Variants in CDH20 observed in about 807,000 individuals in gnomAD.
CDH20 encodes the protein cadherin 20, also known as cadherin-20.
Under a neutral mutation model 74.2 loss-of-function variants are expected in CDH20, and 29 were observed. The ratio of observed to expected loss-of-function variants is 0.39; its 90% CI spans 0.29 to 0.53. The LOEUF (loss-of-function observed/expected upper bound fraction) is 0.53. Ranked by LOEUF, CDH20 falls within the 20% of genes least tolerant of loss-of-function variation. The probability of loss-of-function intolerance (pLI) is 0.69; values close to 1 mark genes in which losing one functional copy is unlikely to be tolerated. For missense variants in CDH20, 988 were observed against 1,048.3 expected (o/e 0.94, Z 0.79); for synonymous variants, 469 against 405.4 (o/e 1.16, Z -1.88).
intron 1 of CDH20, among the ~76,000 whole-genome samples, chr18:61,434,749 T>C (rs898256561): frequency 8.5e-5 from 13 of 152,164 alleles, no homozygotes; most frequent in African/African-American, 2.9e-4. Flanking sequence ...CTACAGCTTA[T>C]TAATTATTGA....
rs1221710550 is a variant in CDH20 at position 61,513,060 on chromosome 18, A to T, written c.1017+5500A>T. Reference sequence around the variant, plus strand: ...TGAGTTCAATTCCTGGGTATCCTTGATGACTTTCTGTCTCGTTGATCTGTC... The same window carrying T: ...TGAGTTCAATTCCTGGGTATCCTTGTTGACTTTCTGTCTCGTTGATCTGTC... On this transcript the variant is annotated intron_variant, in intron 6 of 11. Coordinates refer to ENST00000262717, the MANE Select transcript of CDH20 (RefSeq NM_031891.4). Among the ~76,000 whole-genome samples, 7 of 151,818 alleles carry T rather than the reference A, an allele frequency of 4.6e-5. 1 individual carries two copies. The highest frequency in any genetic ancestry group is 3.4e-3 in the Middle Eastern group (1 of 292).
chr18:61,495,084 T>C (rs970841862), intron 2 of CDH20, among the ~76,000 whole-genome samples: 1 of 152,180 alleles, frequency 6.6e-6, no homozygotes, highest in Non-Finnish European at 1.5e-5. Flanking sequence ...GCCTAAAATA[T>C]TTTTTTAGGA....
intron 1 of CDH20, among the ~76,000 whole-genome samples, chr18:61,340,343 G>A (rs1464481465): frequency 1.3e-5 from 2 of 151,298 alleles, no homozygotes; most frequent in African/African-American, 4.9e-5. Flanking sequence ...TCAAAAGAAA[G>A]CCAGGATAGA....
At chr18:61,386,040 A>G (rs1399871690) in intron 1 of CDH20, among the ~76,000 whole-genome samples, 1 of 152,202 alleles carries the variant, frequency 6.6e-6, no homozygotes, top group African/African-American at 2.4e-5. Context: ...AAAATAAGGT[A>G]TGCTTTATAC....
At chr18:61,470,627 G>A (rs1248986151) in intron 1 of CDH20, among the ~76,000 whole-genome samples, 1 of 152,072 alleles carries the variant, frequency 6.6e-6, no homozygotes, top group Non-Finnish European at 1.5e-5. Flanking sequence ...GAGAATGAAA[G>A]ATTATCAAGT....
chr18:61,384,147 G>C (rs926760515), intron 1 of CDH20, among the ~76,000 whole-genome samples: 3 of 152,192 alleles, frequency 2.0e-5, no homozygotes, highest in Non-Finnish European at 2.9e-5. Context: ...TGAATAGACT[G>C]TCTCAGGCTA....
Position 61,554,254 on chromosome 18 carries a change from G to A in CDH20, c.1965G>A (p.Glu655=). The change falls in exon 12 of 12, where the codon GAG becomes GAA. Residue 655 remains glutamate, a synonymous_variant. Coordinates refer to ENST00000262717, the MANE Select transcript of CDH20 (RefSeq NM_031891.4). ...HRKQPYIIDD[E]ENIHENIVRY... ...AACAACCATACATCATCGACGACGA[G>A]GAAAACATCCACGAGAACATCGTCC... is the stretch of plus-strand genomic sequence containing the variant. 1.2e-6 allele frequency: 2 copies of A among 1,614,044 alleles called. No homozygotes were observed. Among genetic ancestry groups the A allele is most frequent in the Non-Finnish European group, 1.7e-6 (2 of 1,180,010 alleles).
chr18:61,462,316 C>T (rs1262471753), intron 1 of CDH20, among the ~76,000 whole-genome samples: 1 of 152,106 alleles, frequency 6.6e-6, no homozygotes, highest in African/African-American at 2.4e-5. Context: ...TATAATTTGT[C>T]AGTTAAAAAT....
intron 1 of CDH20, among the ~76,000 whole-genome samples, chr18:61,405,396 G>A (rs1320681367): frequency 6.6e-6 from 1 of 151,886 alleles, no homozygotes; most frequent in East Asian, 1.9e-4. Flanking sequence ...GACCAGCCTG[G>A]GCAATATACC....
intron 1 of CDH20, among the ~76,000 whole-genome samples, chr18:61,413,993 T>G (rs1310036348): frequency 1.3e-5 from 2 of 152,192 alleles, no homozygotes; most frequent in Non-Finnish European, 2.9e-5. Context: ...AATGTAATTT[T>G]GATGTAGACA....
rs765073338 is a variant in CDH20, at chr18:61,554,679, C to T, written c.2390C>T (p.Pro797Leu). 3 of 1,574,782 alleles carry T rather than the reference C, an allele frequency of 1.9e-6. No homozygotes were observed. The highest frequency in any genetic ancestry group is 1.7e-6 in the Non-Finnish European group (2 of 1,159,858). The change falls in exon 12 of 12, where the codon CCC becomes CTC. Residue 797 changes from proline to leucine, a missense_variant. Transcript: ENST00000262717. ...GAGCTCTACGGGGCGTCGGAGGGAC[C>T]CGCGCCGCTGTGGTGACGGAAGCCA... ...LAELYGASEG[P>L]APLW
intron 6 of CDH20, among the ~76,000 whole-genome samples, chr18:61,526,712 G>C (rs978930991): frequency 6.6e-6 from 1 of 152,068 alleles, no homozygotes; most frequent in Non-Finnish European, 1.5e-5. Flanking sequence ...AAATTCTGAA[G>C]ATAGGAATAA....
chr18:61,502,870 AC>A, intron 4 of CDH20, 82 bp from the exon 5 acceptor site: 1 of 1,157,824 alleles, frequency 8.6e-7, no homozygotes, highest in Non-Finnish European at 1.2e-6. Flanking sequence ...TTAATGGTGC[AC>A]CAGGGAGACA....
intron 1 of CDH20, among the ~76,000 whole-genome samples, chr18:61,476,621 C>T (rs894355744): frequency 6.6e-6 from 1 of 152,180 alleles, no homozygotes; most frequent in African/African-American, 2.4e-5. Context: ...TCCCTCATTA[C>T]AGGAGAATAC....
intron 2 of CDH20, among the ~76,000 whole-genome samples, chr18:61,494,867 G>GT (rs1385849644): frequency 6.6e-6 from 1 of 152,142 alleles, no homozygotes; most frequent in African/African-American, 2.4e-5. Context: ...ACCACAAACT[G>GT]TAAGCACTCA....
chr18:61,359,811 C>CACAGCTATTATGACACATGAGT (rs1555671024), intron 1 of CDH20, among the ~76,000 whole-genome samples: 1 of 152,168 alleles, frequency 6.6e-6, no homozygotes, highest in African/African-American at 2.4e-5. Context: ...CATGAGTCAT[C>CACAGCTATTATGACACATGAGT]CATAATTACA....
intron 1 of CDH20, among the ~76,000 whole-genome samples, chr18:61,457,613 T>C (rs1276480532): frequency 1.3e-5 from 2 of 152,336 alleles, no homozygotes; most frequent in East Asian, 3.9e-4. Context: ...GACACTGGTA[T>C]GAATGCCTGT....
chr18:61,540,694 A>G (rs1039275794), intron 9 of CDH20, among the ~76,000 whole-genome samples: 1 of 152,178 alleles, frequency 6.6e-6, no homozygotes, highest in Non-Finnish European at 1.5e-5. Context: ...GTGGGGACAC[A>G]GCCAAACCAT....
At chr18:61,482,176 G>A (rs767974068) in intron 1 of CDH20, among the ~76,000 whole-genome samples, 11 of 152,096 alleles carry the variant, frequency 7.2e-5, no homozygotes, top group Non-Finnish European at 1.3e-4. Flanking sequence ...GCTCACATTC[G>A]TTATGCCCAA....
Sources: gnomAD v4.1 joint callset for allele counts (sites outside exome capture counted in the v4.1 genomes callset) on GRCh38, gnomAD v4.1.1 for gene constraint, MANE v1.5 for transcripts, NCBI Gene and HGNC (gene_info 2026-07-23, HGNC 2026-07-21) for gene names.